CNTRL: variants seen among roughly 807,000 people sequenced by gnomAD.
The protein encoded by CNTRL is 110 kDa centrosomal protein.
Under a neutral mutation model 303.7 loss-of-function variants are expected in CNTRL, and 233 were observed. The ratio of observed to expected loss-of-function variants is 0.77; its 90% CI spans 0.69 to 0.86. The LOEUF (loss-of-function observed/expected upper bound fraction) is 0.86. Ranked by LOEUF, CNTRL falls within the 40% of genes least tolerant of loss-of-function variation. CNTRL has a pLI of 0.00. For synonymous variants in CNTRL, 900 were observed against 922.2 expected (o/e 0.98, Z 0.44); for missense variants, 2,524 against 2,650.6 (o/e 0.95, Z 1.05).
Position 121,096,577 on chromosome 9 carries a change from A to G in CNTRL, c.621+14A>G. Reference sequence around the variant, plus strand: ...AAGATATCATCGGTAAGTTATTCAAAATAGCAGGAATTTTTAGACTTGTTA... The same window carrying G: ...AAGATATCATCGGTAAGTTATTCAAGATAGCAGGAATTTTTAGACTTGTTA... On this transcript the variant is annotated intron_variant, in intron 6 of 43. Coordinates refer to ENST00000373855, the MANE Select transcript of CNTRL (RefSeq NM_007018.6). 1 of 1,409,632 alleles carries G rather than the reference A, an allele frequency of 7.1e-7. No individual in the cohort carries two copies. The highest frequency in any genetic ancestry group is 9.4e-7 in the Non-Finnish European group (1 of 1,068,724). The allele number at this position is 1,409,632 out of a possible 1,614,324, so 87.3% of individuals were successfully genotyped here.
Position 121,145,137 on chromosome 9 carries a change from T to C in CNTRL, c.3169-107T>C, listed in dbSNP as rs1322102468. On this transcript the variant is annotated intron_variant, in intron 21 of 43. Coordinates refer to ENST00000373855, the MANE Select transcript of CNTRL (RefSeq NM_007018.6). The stretch of plus-strand genomic sequence containing the variant: ...TTTCCAAGTAATGCAGTTTCCTCAC[T>C]GGGAAAGTGTAAATAAATATAGAAT... 5 of 1,346,200 alleles carry C rather than the reference T, an allele frequency of 3.7e-6. No individual in the cohort carries two copies. In the African/African-American group the frequency reaches 5.9e-5, roughly 16 times the overall value. The allele number at this position is 1,346,200 out of a possible 1,614,324, so 83.4% of individuals were successfully genotyped here. A position where few individuals can be genotyped will look rare whatever the true frequency, so the allele number is the denominator to read the frequency against.
chr9:121,124,552 A>C (rs534146711), intron 13 of CNTRL, among the ~76,000 whole-genome samples: 2 of 152,314 alleles, frequency 1.3e-5, no homozygotes, highest in African/African-American at 4.8e-5. Context: ...CAGTGTAAAA[A>C]GATCCTGCTC....
At chr9:121,119,016 G>A (rs915281175) in intron 12 of CNTRL, among the ~76,000 whole-genome samples, 1 of 151,664 alleles carries the variant, frequency 6.6e-6, no homozygotes, top group Non-Finnish European at 1.5e-5. Context: ...AAGGAAAACT[G>A]TACATATATG....
At position 121,115,092 on chromosome 9, in the gene CNTRL, A is replaced by G. The variant is rs555340544; in HGVS notation, c.1347A>G (p.Ala449=). 14 of 1,580,654 alleles carry G rather than the reference A, an allele frequency of 8.9e-6. No homozygotes were observed. Among genetic ancestry groups the G allele is most frequent in the East Asian group, 2.3e-5 (1 of 44,134 alleles). The change falls in exon 11 of 44, where the codon GCA becomes GCG. Residue 449 remains alanine, a splice_region_variant and synonymous_variant. Coordinates refer to ENST00000373855, the MANE Select transcript of CNTRL (RefSeq NM_007018.6). ...LEDKEKKISA[A]QTRLSELHDE... ...TGAGCATGGTTTTTAAATTTGCAGC[A>G]CAAACTCGACTATCAGAACTGCATG...
chr9:121,131,299 A>G (rs1444077355), intron 14 of CNTRL, among the ~76,000 whole-genome samples: 1 of 152,212 alleles, frequency 6.6e-6, no homozygotes, highest in Non-Finnish European at 1.5e-5. Context: ...GACTTGCTTT[A>G]TGAATCTGGG....
At chr9:121,100,434 G>A (rs1396536623) in intron 7 of CNTRL, among the ~76,000 whole-genome samples, 9 of 152,260 alleles carry the variant, frequency 5.9e-5, no homozygotes, top group African/African-American at 1.7e-4. Flanking sequence ...GGAACAACTG[G>A]TACCAGCCAC....
intron 4 of CNTRL, among the ~76,000 whole-genome samples, chr9:121,093,011 G>T (rs1694492237): frequency 6.6e-6 from 1 of 150,542 alleles, no homozygotes; most frequent in Admixed American, 6.7e-5. Flanking sequence ...GTTTCACCAT[G>T]TTGGCCAGGA....
In CNTRL at chr9:121,160,320, C is replaced by A; in HGVS notation, c.5089+18C>A. The A allele has an allele frequency of 1.4e-6, 2 of 1,440,722 alleles. No homozygotes were observed. The highest frequency in any genetic ancestry group is 1.8e-6 in the Non-Finnish European group (2 of 1,093,992). 89.2% of individuals were successfully genotyped at this position (1,440,722 alleles called of 1,614,324 possible). A position where few individuals can be genotyped will look rare whatever the true frequency, so the allele number is the denominator to read the frequency against. On this transcript the variant is annotated intron_variant, in intron 32 of 43. Coordinates refer to ENST00000373855, the MANE Select transcript of CNTRL (RefSeq NM_007018.6). ...TAAAACCGGTAAGTTTAAAGGAAAACAATCATACAAAGTTTGAGGTTGGAA... is the reference window on the plus strand; with the variant it reads ...TAAAACCGGTAAGTTTAAAGGAAAAAAATCATACAAAGTTTGAGGTTGGAA...
At position 121,113,662 on chromosome 9, in the gene CNTRL, A is replaced by C. The variant is rs1266340457; in HGVS notation, c.1283A>C (p.Asn428Thr). The change falls in exon 10 of 44, where the codon AAC becomes ACC. Residue 428 changes from asparagine (N) to threonine (T), a missense_variant. Transcript: ENST00000373855. ...GAACAACTTAGAAATGATCACATGA[A>C]CTTGAGAGGCCACACACCACTGGAC... ...PDEQLRNDHM[N>T]LRGHTPLDTQ... 1.9e-6 allele frequency: 3 copies of C among 1,605,274 alleles called. No individual in the cohort carries two copies. The South Asian group carries it at 3.4e-5, about 18-fold the overall frequency.
chr9:121,172,726 C>T (rs2053362683), intron 40 of CNTRL, among the ~76,000 whole-genome samples: 1 of 152,182 alleles, frequency 6.6e-6, no homozygotes, highest in African/African-American at 2.4e-5. Context: ...ATTTATAATC[C>T]AGATCACTTA....
chr9:121,173,439 A>G lies in CNTRL; in HGVS notation c.6614A>G (p.Glu2205Gly), dbSNP rs774263981. 1.2e-6 allele frequency: 2 copies of G among 1,613,890 alleles called. No individual in the cohort carries two copies. The highest frequency in any genetic ancestry group is 1.7e-5 in the Admixed American group (1 of 60,008). ...NLEGELESLKENLPFTMNEGP... is the reference protein window; with the variant it reads ...NLEGELESLKGNLPFTMNEGP... ...GAAGGAGAATTGGAAAGCTTGAAAG[A>G]GAACCTTCCATTTACCATGAATGAG... Residue 2205 changes from glutamate to glycine, a missense_variant, in exon 41 of 44, where the codon GAG becomes GGG. Coordinates refer to ENST00000373855, the MANE Select transcript of CNTRL (RefSeq NM_007018.6).
rs1416595331 is a variant in CNTRL at position 121,141,574 on chromosome 9, G to C, written c.2677G>C (p.Ala893Pro). ...QEEFRQACERALEARMNFDKR... is the reference protein window; with the variant it reads ...QEEFRQACERPLEARMNFDKR... ...AGAGTTCAGGCAGGCCTGTGAGAGA[G>C]CCCTGGAAGCAAGAGTAAGACAAGG... Residue 893 changes from alanine to proline, a missense_variant, in exon 18 of 44, where the codon GCC (alanine) becomes CCC (proline). Coordinates refer to ENST00000373855, the MANE Select transcript of CNTRL (RefSeq NM_007018.6). 6.2e-7 allele frequency: 1 copy of C among 1,614,014 alleles called. No individual in the cohort carries two copies. The highest frequency in any genetic ancestry group is 8.5e-7 in the Non-Finnish European group (1 of 1,179,978).
Position 121,088,429 on chromosome 9 carries a change from C to G in CNTRL, c.103C>G (p.Leu35Val), listed in dbSNP as rs148054650. ...SSMSNMRSRS[L>V]SPLIGSETLP... ...TATGTCCAATATGAGATCTAGGTCA[C>G]TTTCACCTTTGATTGGATCAGAGAC... Residue 35 changes from leucine (L) to valine (V), a missense_variant, in exon 3 of 44, where the codon CTT becomes GTT. Transcript: ENST00000373855. 1.4e-5 allele frequency: 23 copies of G among 1,611,990 alleles called. No homozygotes were observed. The highest frequency in any genetic ancestry group is 2.0e-5 in the Non-Finnish European group (23 of 1,178,160).
rs2048824319 is a variant in CNTRL, at chr9:121,094,890, T to C, written c.351T>C (p.Tyr117=). Reference sequence around the variant, plus strand: ...TTCATTCATTTGTTTCCAATTAGTATATTGAGAATTTGGAAAAATGTGTTA... The same window carrying C: ...TTCATTCATTTGTTTCCAATTAGTACATTGAGAATTTGGAAAAATGTGTTA... ...LSKDGGKKFK[Y]IENLEKCVKL... The change falls in exon 5 of 44, where the codon TAT becomes TAC. Residue 117 remains tyrosine (Y), a splice_region_variant and synonymous_variant. Coordinates refer to ENST00000373855, the MANE Select transcript of CNTRL (RefSeq NM_007018.6). 1.9e-6 allele frequency: 3 copies of C among 1,551,376 alleles called. No homozygotes were observed. The South Asian group carries it at 3.5e-5, about 18-fold the overall frequency.
At position 121,117,954 on chromosome 9, in the gene CNTRL, G is replaced by C. The variant is rs566320094; in HGVS notation, c.1456-392G>C. 2.8e-3 allele frequency among the ~76,000 whole-genome samples: 431 copies of C among 151,762 alleles called. 2 individuals are homozygous for C. The highest frequency in any genetic ancestry group is 9.2e-3 in the Admixed American group (140 of 15,268). Reference sequence around the variant, plus strand: ...AGATCGCGCCACTGCACTCCACCCTGGGCGACAGAGCAAGACTCCGTCTCA... The same window carrying C: ...AGATCGCGCCACTGCACTCCACCCTCGGCGACAGAGCAAGACTCCGTCTCA... On this transcript the variant is annotated intron_variant, in intron 11 of 43. Transcript: ENST00000373855.
intron 43 of CNTRL, among the ~76,000 whole-genome samples, chr9:121,176,557 G>A (rs1343723871): frequency 6.6e-6 from 1 of 152,238 alleles, no homozygotes; most frequent in African/African-American, 2.4e-5. Context: ...GCCCAGAGTA[G>A]TGAGAGAAGA....
chr9:121,096,121 C>T (rs2132522286), intron 5 of CNTRL, among the ~76,000 whole-genome samples: 1 of 152,274 alleles, frequency 6.6e-6, no homozygotes, highest in East Asian at 1.9e-4. Flanking sequence ...TTTGCTAGTA[C>T]TGTTCACAGT....
Position 121,118,448 on chromosome 9 carries a change from G to A in CNTRL, c.1558G>A (p.Glu520Lys), listed in dbSNP as rs964372979. 20 of 1,613,382 alleles carry A rather than the reference G, an allele frequency of 1.2e-5. No homozygotes were observed. Among genetic ancestry groups the A allele is most frequent in the Non-Finnish European group, 1.6e-5 (19 of 1,179,536 alleles). ...QEALDLELQM[E>K]KQKQEIAGKQ... Reference sequence around the variant, plus strand: ...AGCTCTGGATCTAGAACTGCAGATGGAAAAGCAAAAGCAGGAAATTGCCGG... The same window carrying A: ...AGCTCTGGATCTAGAACTGCAGATGAAAAAGCAAAAGCAGGAAATTGCCGG... The change falls in exon 12 of 44, where the codon GAA becomes AAA. Residue 520 changes from glutamate (E) to lysine (K), a missense_variant. Transcript: ENST00000373855.
intron 6 of CNTRL, among the ~76,000 whole-genome samples, chr9:121,097,122 T>C (rs2048926001): frequency 6.6e-6 from 1 of 152,226 alleles, no homozygotes; most frequent in Admixed American, 6.5e-5. Flanking sequence ...TATATTTTTC[T>C]CTGGAATATA....
Sources: allele counts gnomAD v4.1 joint callset (sites outside exome capture counted in the v4.1 genomes callset), GRCh38; gene constraint gnomAD v4.1.1; transcripts MANE v1.5; gene names NCBI Gene and HGNC (gene_info 2026-07-23, HGNC 2026-07-21).